Variants in RGS12 observed in about 807,000 individuals in gnomAD.
The protein encoded by RGS12 is regulator of G-protein signaling 12.
A neutral mutation model predicts 120.1 loss-of-function variants in RGS12; 66 were observed. The ratio of observed to expected loss-of-function variants is 0.55; its 90% CI spans 0.45 to 0.67. RGS12 has a LOEUF of 0.67. RGS12 is among the 30% of genes least tolerant of loss of function. RGS12 has a pLI of 0.00. For synonymous variants in RGS12, 827 were observed against 804.7 expected (o/e 1.03, Z -0.47); for missense variants, 1,859 against 1,957.7 (o/e 0.95, Z 0.95).
At chr4:3,395,580 G>T (rs1719970897) in intron 4 of RGS12, among the ~76,000 whole-genome samples, 2 of 152,084 alleles carry the variant, frequency 1.3e-5, no homozygotes, top group Non-Finnish European at 2.9e-5. Context: ...AGAATTCTAG[G>T]TGTTCAACAT....
intron 1 of RGS12, chr4:3,314,985 C>G (rs1724642728): frequency 6.6e-6 from 1 of 152,212 alleles, no homozygotes; most frequent in Admixed American, 6.5e-5. Flanking sequence ...TCTGGGAGTC[C>G]AGAGTCTGGG....
rs1167058440 is a variant in RGS12, at chr4:3,430,657, C to T, written c.3816C>T (p.Ser1272=). The T allele has an allele frequency of 1.3e-6, 2 of 1,594,888 alleles. No individual in the cohort carries two copies. Among genetic ancestry groups the T allele is most frequent in the African/African-American group, 1.3e-5 (1 of 74,454 alleles). The change falls in exon 17 of 18, where the codon TCC becomes TCT. Residue 1272 remains serine (S), a synonymous_variant. Transcript: ENST00000336727. ...TCCAGGAGAGCAGCGACAGCCCGTC[C>T]ACCAGCCCGGGCTCAGCCTCCAGCC... ...EPVQESSDSP[S]TSPGSASSPP... is the part of the protein sequence containing the mutation.
intron 4 of RGS12, chr4:3,413,061 GCCCCC>G (rs1560159047): frequency 3.0e-4 from 7 of 23,588 alleles, no homozygotes; most frequent in African/African-American, 9.6e-4. Flanking sequence ...GGACGGGGGC[GCCCCC>G]ACACTGCTCA....
chr4:3,290,556 G>A (rs998003500), upstream of RGS12, among the ~76,000 whole-genome samples: 1 of 152,214 alleles, frequency 6.6e-6, no homozygotes, highest in Non-Finnish European at 1.5e-5. Context: ...GTGGGGGGAC[G>A]CCCCCACACC....
intron 3 of RGS12, among the ~76,000 whole-genome samples, chr4:3,362,838 AGACT>A (rs1715821661): frequency 1.5e-5 from 2 of 135,142 alleles, no homozygotes; most frequent in Non-Finnish European, 1.6e-5. Context: ...TTTGAGTGTG[AGACT>A]GAGTGTGAGG....
chr4:3,312,686 T>C (rs751542795), intron 1 of RGS12: 3 of 224,714 alleles, frequency 1.3e-5, no homozygotes, highest in Middle Eastern at 2.1e-3. Flanking sequence ...ACGGTGCTGC[T>C]GAGATTCTTG....
chr4:3,301,554 C>T (rs936891800), intron 1 of RGS12, among the ~76,000 whole-genome samples: 3 of 151,778 alleles, frequency 2.0e-5, no homozygotes, highest in Non-Finnish European at 2.9e-5. Flanking sequence ...AGGAGAGGCC[C>T]GCCAGGGCCA....
chr4:3,342,316 A>C, intron 2 of RGS12: 1 of 867,146 alleles, frequency 1.2e-6, no homozygotes, highest in Non-Finnish European at 1.5e-6. Context: ...TCATCTGGGG[A>C]AGTGTCTAGC....
intron 2 of RGS12, among the ~76,000 whole-genome samples, chr4:3,339,435 T>C (rs1712821837): frequency 6.6e-6 from 1 of 152,042 alleles, no homozygotes; most frequent in African/African-American, 2.4e-5. Context: ...TGAGCCATGA[T>C]CATACCTCTC....
At chr4:3,369,721 GAGCCAGGATCCATCATGGT>G (rs1419582445) in intron 3 of RGS12, among the ~76,000 whole-genome samples, 1 of 152,114 alleles carries the variant, frequency 6.6e-6, no homozygotes, top group Non-Finnish European at 1.5e-5. Flanking sequence ...TTCCTTTTTA[GAGCCAGGATCCATCATGGT>G]TCACTCGCTT....
chr4:3,333,906 A>G (rs1469333099), intron 2 of RGS12, among the ~76,000 whole-genome samples: 1 of 152,206 alleles, frequency 6.6e-6, no homozygotes, highest in Admixed American at 6.5e-5. Context: ...AAGCCTTCCT[A>G]TCCATGAAAA....
rs1369669695 is a variant in RGS12 at position 3,389,871 on chromosome 4, C to A, written c.2020+3434C>A. Among the ~76,000 whole-genome samples, 1 of 152,200 alleles carries A rather than the reference C, an allele frequency of 6.6e-6. No individual in the cohort carries two copies. On this transcript the variant is annotated intron_variant, in intron 4 of 17. Transcript: ENST00000336727. This position sits in a 1 kb window ranked among gnomAD's most constrained non-coding sequence, Gnocchi z 5.2. ...AACACTCCGTTCTCGCAGCCTCACC[C>A]TGGGGACCCCCGACACGTACTAGTC...
rs1050372 is a variant in RGS12, at chr4:3,439,678, C to T, written c.4338C>T (p.Phe1446=). 4.5e-5 allele frequency: 68 copies of T among 1,525,084 alleles called. No homozygotes were observed. Among genetic ancestry groups the T allele is most frequent in the African/African-American group, 2.1e-4 (15 of 72,684 alleles). 94.5% of individuals were successfully genotyped at this position (1,525,084 alleles called of 1,614,324 possible). The change falls in exon 18 of 18, where the codon TTC becomes TTT. Residue 1446 remains phenylalanine (F), a synonymous_variant. Transcript: ENST00000336727. ...KPKTSAHHAT[F]V Reference sequence around the variant, plus strand: ...AGACCAGCGCTCACCACGCCACCTTCGTCTGAGCTGCCCTGGCCTGGCCAA... The same window carrying T: ...AGACCAGCGCTCACCACGCCACCTTTGTCTGAGCTGCCCTGGCCTGGCCAA...
At chr4:3,381,647 A>G (rs926965652) in intron 3 of RGS12, among the ~76,000 whole-genome samples, 2 of 152,220 alleles carry the variant, frequency 1.3e-5, no homozygotes, top group East Asian at 1.9e-4. Flanking sequence ...AGAACTCACT[A>G]TCACAACAGC....
At chr4:3,328,981 G>A (rs1161155871) in intron 2 of RGS12, among the ~76,000 whole-genome samples, 1 of 152,184 alleles carries the variant, frequency 6.6e-6, no homozygotes, top group African/African-American at 2.4e-5. Flanking sequence ...TGGATGGGAG[G>A]TCACAGGGTC....
At chr4:3,308,729 G>A (rs1724115637) in intron 1 of RGS12, among the ~76,000 whole-genome samples, 1 of 152,236 alleles carries the variant, frequency 6.6e-6, no homozygotes, top group Non-Finnish European at 1.5e-5. Context: ...CCTGCTCAGG[G>A]CTTGGTGGGC....
intron 4 of RGS12, among the ~76,000 whole-genome samples, chr4:3,395,061 C>T (rs919128336): frequency 3.7e-4 from 56 of 151,996 alleles, no homozygotes; most frequent in African/African-American, 1.3e-3. Flanking sequence ...GATGTGGTGG[C>T]GCATGCCTGT....
intron 1 of RGS12, among the ~76,000 whole-genome samples, chr4:3,308,972 G>A (rs1724130265): frequency 6.6e-6 from 1 of 152,228 alleles, no homozygotes; most frequent in Admixed American, 6.5e-5. Flanking sequence ...TCGCAGCACT[G>A]CTGAATGGCA....
intron 17 of RGS12, among the ~76,000 whole-genome samples, chr4:3,436,425 T>A (rs920035784): frequency 6.6e-6 from 1 of 151,986 alleles, no homozygotes; most frequent in South Asian, 2.1e-4. Context: ...GTGGCTGCGC[T>A]TGGCAGCACA....
Sources: gnomAD v4.1 joint callset for allele counts (sites outside exome capture counted in the v4.1 genomes callset) on GRCh38, gnomAD v4.1.1 for gene constraint, Gnocchi (gnomAD v3.1) non-coding constraint, MANE v1.5 for transcripts, NCBI Gene and HGNC (gene_info 2026-07-23, HGNC 2026-07-21) for gene names.